The following LMO4 variants were observed in gnomAD, a reference collection of about 807,000 sequenced individuals.
LMO4 encodes the protein LIM domain transcription factor LMO4.
Under a neutral mutation model 18.5 loss-of-function variants are expected in LMO4, and 3 were observed. The ratio of observed to expected loss-of-function variants is 0.16; its 90% CI spans 0.07 to 0.42. LMO4 has a LOEUF of 0.42. Among genes scored for constraint, LMO4 ranks in the 10% least tolerant of loss-of-function variants. The pLI, the probability that LMO4 is intolerant of heterozygous loss-of-function variation, is 0.99. For synonymous variants in LMO4, 100 were observed against 88.1 expected (o/e 1.14, Z -0.76); for missense variants, 121 against 219.9 (o/e 0.55, Z 2.84).
At chr1:87,337,106 A>C (rs1460189375) in intron 2 of LMO4, among the ~76,000 whole-genome samples, 4 of 152,194 alleles carry the variant, frequency 2.6e-5, no homozygotes, top group Non-Finnish European at 4.4e-5. Flanking sequence ...GGCAGCCTTA[A>C]AGCTGTAGGC....
chr1:87,335,363 C>T (rs954628484), intron 2 of LMO4, among the ~76,000 whole-genome samples: 1 of 152,034 alleles, frequency 6.6e-6, no homozygotes, highest in Non-Finnish European at 1.5e-5. Context: ...TGGCGGTCGT[C>T]GGCTGGCCCT....
chr1:87,334,193 C>G (rs1011773298), intron 2 of LMO4, among the ~76,000 whole-genome samples: 3 of 152,168 alleles, frequency 2.0e-5, no homozygotes, highest in Non-Finnish European at 2.9e-5. Context: ...GTTCTTACTT[C>G]CTTTTTTCCC....
intron 3 of LMO4, 56 bp from the exon 4 acceptor site, chr1:87,339,991 C>A (rs1570654037): frequency 2.5e-6 from 4 of 1,574,826 alleles, no homozygotes; most frequent in Middle Eastern, 3.4e-4. Context: ...AAACTTGTGA[C>A]CAAAAAAAGA....
intron 4 of LMO4, among the ~76,000 whole-genome samples, chr1:87,341,808 T>C (rs1052958339): frequency 3.9e-5 from 6 of 152,194 alleles, no homozygotes; most frequent in Admixed American, 6.5e-5. Context: ...TCACTGCTGA[T>C]GAGGTATTTC....
intron 4 of LMO4, among the ~76,000 whole-genome samples, chr1:87,343,371 A>C (rs3766020): frequency 5.3e-5 from 8 of 152,286 alleles, no homozygotes; most frequent in Middle Eastern, 3.4e-3. Context: ...TTTATAACCT[A>C]TATCACTTAA....
Position 87,347,072 on chromosome 1 carries a change from C to G in LMO4, c.*2276C>G, listed in dbSNP as rs1244471278. The G allele has an allele frequency of 6.6e-6, 1 of 152,120 alleles. No individual in the cohort carries two copies. The allele number at this position is 152,120 out of a possible 1,614,324, so 9.4% of individuals were successfully genotyped here. On this transcript the variant is annotated 3_prime_UTR_variant, in exon 5 of 5. Transcript: ENST00000370544. ...TGTGGAGGGCTAAGGTCATTACGGA[C>G]TTTAAATAAACTATTATATGGCTGG...
intron 2 of LMO4, among the ~76,000 whole-genome samples, chr1:87,332,812 ATTC>A (rs993311063): frequency 2.0e-5 from 3 of 152,206 alleles, no homozygotes; most frequent in African/African-American, 7.2e-5. Flanking sequence ...AAGACTTGTA[ATTC>A]TTCTTATAGA....
At position 87,348,500 on chromosome 1, in the gene LMO4, G is replaced by T; in HGVS notation, c.*3704G>T. 1 of 348,222 alleles carries T rather than the reference G, an allele frequency of 2.9e-6. No homozygotes were observed. Among genetic ancestry groups the T allele is most frequent in the Non-Finnish European group, 5.8e-6 (1 of 173,134 alleles). The allele number at this position is 348,222 out of a possible 1,614,324, so 21.6% of individuals were successfully genotyped here. A position where few individuals can be genotyped will look rare whatever the true frequency, so the allele number is the denominator to read the frequency against. ...TGAGCAGCCATTTTAGATTGGCAGT[G>T]CTCTGAACGCATGTTAAACAGCCAG... On this transcript the variant is annotated 3_prime_UTR_variant, in exon 5 of 5. Coordinates refer to ENST00000370544, the MANE Select transcript of LMO4 (RefSeq NM_006769.4).
rs146404618 is a variant in LMO4 at position 87,333,978 on chromosome 1, C to A, written c.236+1727C>A. Among the ~76,000 whole-genome samples the A allele has an allele frequency of 5.2e-3, 794 of 152,046 alleles. 4 individuals carry two copies. Among genetic ancestry groups the A allele is most frequent in the Non-Finnish European group, 9.5e-3 (649 of 67,984 alleles). ...AAACAAAAAACAAAAAAAACCCTCG[C>A]TTCTGATTACAACTAATTAAAAAGA... On this transcript the variant is annotated intron_variant, in intron 2 of 4. Transcript: ENST00000370544.
chr1:87,329,902 T>G (rs1650084582), intron 1 of LMO4, among the ~76,000 whole-genome samples: 1 of 152,172 alleles, frequency 6.6e-6, no homozygotes, highest in African/African-American at 2.4e-5. Context: ...AGATTTTGCC[T>G]CTAGCTGCCA....
At chr1:87,337,197 T>C (rs1650341957) in intron 2 of LMO4, among the ~76,000 whole-genome samples, 1 of 151,854 alleles carries the variant, frequency 6.6e-6, no homozygotes, top group African/African-American at 2.4e-5. Flanking sequence ...TCAAACTTTG[T>C]AACTGTAATT....
chr1:87,333,745 A>C (rs984534453), intron 2 of LMO4, among the ~76,000 whole-genome samples: 1 of 152,160 alleles, frequency 6.6e-6, no homozygotes, highest in African/African-American at 2.4e-5. Flanking sequence ...TTAGAAGTAA[A>C]TGTTGGAAAA....
intron 4 of LMO4, among the ~76,000 whole-genome samples, chr1:87,343,372 T>A (rs994232942): frequency 6.6e-6 from 1 of 152,200 alleles, no homozygotes; most frequent in Admixed American, 6.5e-5. Flanking sequence ...TTATAACCTA[T>A]ATCACTTAAA....
At chr1:87,334,946 G>A (rs1485635179) in intron 2 of LMO4, among the ~76,000 whole-genome samples, 2 of 150,952 alleles carry the variant, frequency 1.3e-5, no homozygotes, top group Non-Finnish European at 2.9e-5. Flanking sequence ...GATCTGCTCC[G>A]AATGACGTGT....
chr1:87,333,963 C>A (rs953505448), intron 2 of LMO4, among the ~76,000 whole-genome samples: 52 of 149,376 alleles, frequency 3.5e-4, no homozygotes, highest in African/African-American at 1.2e-3. Context: ...AAACAAAAAA[C>A]AAAAAAAACC....
At chr1:87,343,020 C>T (rs561975389) in intron 4 of LMO4, among the ~76,000 whole-genome samples, 38 of 152,266 alleles carry the variant, frequency 2.5e-4, no homozygotes, top group African/African-American at 9.1e-4. Flanking sequence ...CATTTTCCTT[C>T]TATTCGCAGA....
chr1:87,344,859 A>T lies in LMO4; in HGVS notation c.*63A>T, dbSNP rs1005636437. ...GATTTGTTCATCACAGGTGGATCCCATGTGTCTTCAGTAGACAAGTCACCT... is the reference window on the plus strand; with the variant it reads ...GATTTGTTCATCACAGGTGGATCCCTTGTGTCTTCAGTAGACAAGTCACCT... On this transcript the variant is annotated 3_prime_UTR_variant, in exon 5 of 5. Coordinates refer to ENST00000370544, the MANE Select transcript of LMO4 (RefSeq NM_006769.4). 1.3e-6 allele frequency: 2 copies of T among 1,548,774 alleles called. No homozygotes were observed. The highest frequency in any genetic ancestry group is 1.7e-5 in the Admixed American group (1 of 59,786).
chr1:87,336,856 T>C (rs534349572), intron 2 of LMO4, among the ~76,000 whole-genome samples: 1 of 152,300 alleles, frequency 6.6e-6, no homozygotes, highest in East Asian at 1.9e-4. Flanking sequence ...TATAGTCCAG[T>C]CTGAGACCGA....
In LMO4 at chr1:87,337,599, T is replaced by C. The variant is rs566370184; in HGVS notation, c.237-1937T>C. ...TTCTACCCCCATTACCTGTCTTCTC[T>C]TATCCTCAGCATGTATTTGGCCACA... On this transcript the variant is annotated intron_variant, in intron 2 of 4. Coordinates refer to ENST00000370544, the MANE Select transcript of LMO4 (RefSeq NM_006769.4). 1.4e-3 allele frequency among the ~76,000 whole-genome samples: 215 copies of C among 152,234 alleles called. 2 individuals carry two copies. The highest frequency in any genetic ancestry group is 3.5e-4 in the Non-Finnish European group (24 of 68,032).
Sources: gnomAD v4.1 joint callset for allele counts (sites outside exome capture counted in the v4.1 genomes callset) on GRCh38, gnomAD v4.1.1 for gene constraint, MANE v1.5 for transcripts, NCBI Gene and HGNC (gene_info 2026-07-23, HGNC 2026-07-21) for gene names.